Variants in MYO16 observed in about 807,000 individuals in gnomAD.
MYO16 encodes unconventional myosin-XVI.
Under a neutral mutation model 205.3 loss-of-function variants are expected in MYO16, and 94 were observed. That is an observed-to-expected ratio of 0.46 (90% CI 0.39 to 0.54). The LOEUF is 0.54. Among genes scored for constraint, MYO16 ranks in the 20% least tolerant of loss-of-function variants. The pLI, the probability that MYO16 is intolerant of heterozygous loss-of-function variation, is 0.00. For missense variants in MYO16, 2,315 were observed against 2,387.5 expected (o/e 0.97, Z 0.63); for synonymous variants, 988 against 954.0 (o/e 1.04, Z -0.66).
chr13:109,060,294 AC>A (rs1390449615), intron 27 of MYO16, among the ~76,000 whole-genome samples: 3 of 152,194 alleles, frequency 2.0e-5, no homozygotes, highest in African/African-American at 7.2e-5. Context: ...ACCGTGGAAT[AC>A]TATGCAGCCA....
chr13:109,037,221 T>C (rs1886746186), intron 23 of MYO16, among the ~76,000 whole-genome samples: 11 of 152,240 alleles, frequency 7.2e-5, no homozygotes, highest in Admixed American at 7.2e-4. Flanking sequence ...TGCACTGTTG[T>C]GCAGCTTTTC....
intron 6 of MYO16, among the ~76,000 whole-genome samples, chr13:108,795,228 G>A (rs978590616): frequency 2.0e-5 from 3 of 147,588 alleles, no homozygotes; most frequent in African/African-American, 7.5e-5. Flanking sequence ...ATCTTTCCCT[G>A]TCACCCAGGC....
intron 4 of MYO16, among the ~76,000 whole-genome samples, chr13:108,767,267 T>A (rs955022285): frequency 6.6e-6 from 1 of 152,036 alleles, no homozygotes; most frequent in Non-Finnish European, 1.5e-5. Flanking sequence ...CATGCCCGGT[T>A]AATATTTTGT....
At chr13:108,732,687 G>A (rs977571908) in intron 4 of MYO16, among the ~76,000 whole-genome samples, 5 of 152,188 alleles carry the variant, frequency 3.3e-5, no homozygotes, top group Non-Finnish European at 7.4e-5. Flanking sequence ...GGAAGAAGGA[G>A]GTATGGAAAG....
chr13:108,556,825 A>G, the MYO16 span, among the ~76,000 whole-genome samples: 1 of 151,984 alleles, frequency 6.6e-6, no homozygotes, highest in Non-Finnish European at 1.5e-5. Context: ...GTTGTTTGGT[A>G]AAGATATAGC....
the MYO16 span, among the ~76,000 whole-genome samples, chr13:108,538,401 A>G: frequency 6.6e-6 from 1 of 152,102 alleles, no homozygotes; most frequent in East Asian, 1.9e-4. Flanking sequence ...TTCACTTTAG[A>G]AATTAATGGA....
the MYO16 span, among the ~76,000 whole-genome samples, chr13:108,498,057 G>A: frequency 6.6e-6 from 1 of 152,176 alleles, no homozygotes; most frequent in African/African-American, 2.4e-5. Flanking sequence ...GATCTTAAAT[G>A]TGTTAAAACA....
At chr13:108,909,141 G>A (rs1046739559) in intron 15 of MYO16, among the ~76,000 whole-genome samples, 10 of 152,002 alleles carry the variant, frequency 6.6e-5, no homozygotes, top group African/African-American at 1.7e-4. Flanking sequence ...TTTGACCAAC[G>A]CTAGCTTCTG....
the MYO16 span, among the ~76,000 whole-genome samples, chr13:108,559,470 C>CTTTTTTT: frequency 3.8e-4 from 33 of 87,412 alleles, no homozygotes; most frequent in South Asian, 1.4e-3. Flanking sequence ...TTTTTCTTTT[C>CTTTTTTT]TTTTTTTTTT....
chr13:109,205,047 G>C (rs987598763), intron 34 of MYO16, among the ~76,000 whole-genome samples: 4 of 84,160 alleles, frequency 4.8e-5, no homozygotes, highest in African/African-American at 3.9e-4. Flanking sequence ...CAGCCCTAAA[G>C]AATAAAAAAA....
the MYO16 span, among the ~76,000 whole-genome samples, chr13:108,550,486 C>A: frequency 1.3e-5 from 2 of 152,154 alleles, no homozygotes; most frequent in Non-Finnish European, 2.9e-5. Context: ...GTTTCTTTTT[C>A]ACCTGCAGGA....
chr13:109,165,172 T>C (rs1171472746), intron 33 of MYO16, 113 bp downstream of exon 33: 2 of 763,348 alleles, frequency 2.6e-6, no homozygotes, highest in Non-Finnish European at 4.1e-6. Context: ...AACTGGAAAA[T>C]AGAATATAAA....
intron 23 of MYO16, among the ~76,000 whole-genome samples, chr13:109,026,645 T>A (rs184760376): frequency 6.6e-6 from 1 of 152,318 alleles, no homozygotes; most frequent in Non-Finnish European, 1.5e-5. Flanking sequence ...AGAATTTCCT[T>A]GCCACATTTG....
chr13:108,504,133 GT>G, the MYO16 span, among the ~76,000 whole-genome samples: 2 of 152,012 alleles, frequency 1.3e-5, no homozygotes, highest in Non-Finnish European at 2.9e-5. Flanking sequence ...GTTTTGTTTT[GT>G]TTTTTGTGAT....
chr13:108,567,112 T>C, the MYO16 span, among the ~76,000 whole-genome samples: 1 of 152,170 alleles, frequency 6.6e-6, no homozygotes, highest in South Asian at 2.1e-4. Context: ...AGGAATTTGT[T>C]TGCCATATAA....
At chr13:109,062,880 G>T (rs113727701) in intron 27 of MYO16, among the ~76,000 whole-genome samples, 1 of 152,094 alleles carries the variant, frequency 6.6e-6, no homozygotes, top group East Asian at 1.9e-4. Context: ...TTCAGGTAAA[G>T]AATGTATTAT....
chr13:108,881,040 G>C (rs772869124), intron 12 of MYO16, among the ~76,000 whole-genome samples: 1 of 152,200 alleles, frequency 6.6e-6, no homozygotes, highest in Non-Finnish European at 1.5e-5. Flanking sequence ...ACACCTCCCA[G>C]TAGCGGATGA....
intron 4 of MYO16, among the ~76,000 whole-genome samples, chr13:108,745,975 C>A (rs1374700757): frequency 3.3e-5 from 5 of 151,892 alleles, no homozygotes; most frequent in Non-Finnish European, 5.9e-5. Flanking sequence ...ATCACGAGGT[C>A]AGGAGAACGA....
rs541378340 is a variant in MYO16 at position 108,609,814 on chromosome 13, G to A, written c.-39+13575G>A. On this transcript the variant is annotated intron_variant, in intron 1 of 24. Coordinates refer to the MYO16 transcript ENST00000251041. ...TAGAATAATGTTAAGACTGTAGATA[G>A]ACATTCTAAAACGATAGTTATTTGA... 2.0e-5 allele frequency among the ~76,000 whole-genome samples: 3 copies of A among 152,202 alleles called. No homozygotes were observed. The South Asian group carries it at 6.2e-4, about 32-fold the overall frequency.
Sources: gnomAD v4.1 joint callset for allele counts (sites outside exome capture counted in the v4.1 genomes callset) on GRCh38, gnomAD v4.1.1 for gene constraint, MANE v1.5 for transcripts, NCBI Gene and HGNC (gene_info 2026-07-23, HGNC 2026-07-21) for gene names.